MATN3: variants seen among roughly 807,000 people sequenced by gnomAD.
The protein encoded by MATN3 is matrilin 3.
Under a neutral mutation model 45.3 loss-of-function variants are expected in MATN3, and 48 were observed. The ratio of observed to expected loss-of-function variants is 1.06; its 90% confidence interval spans 0.84 to 1.35. The LOEUF (loss-of-function observed/expected upper bound fraction) is 1.35, where lower values mean the gene tolerates loss of function less well. Among genes scored for constraint, MATN3 ranks in the 40% most tolerant of loss-of-function variants. The pLI, the probability that MATN3 is intolerant of heterozygous loss-of-function variation, is 0.00. For missense variants in MATN3, 599 were observed against 628.0 expected (o/e 0.95, Z 0.49); for synonymous variants, 217 against 245.9 (o/e 0.88, Z 1.10).
chr2:20,005,661 A>AT (rs1673084844), intron 2 of MATN3, 83 bp downstream of exon 2: 2 of 1,181,642 alleles, frequency 1.7e-6, no homozygotes, highest in East Asian at 5.4e-5. Context: ...TTCCACCAAA[A>AT]AAGAATAATA....
chr2:20,010,126 T>C (rs1187780850), intron 1 of MATN3, among the ~76,000 whole-genome samples: 3 of 134,396 alleles, frequency 2.2e-5, no homozygotes, highest in South Asian at 2.4e-4. Context: ...GAAAGTCCCA[T>C]AGATCTAGAG....
intron 1 of MATN3, among the ~76,000 whole-genome samples, chr2:20,007,590 C>T (rs1673133360): frequency 6.6e-6 from 1 of 152,230 alleles, no homozygotes; most frequent in South Asian, 2.1e-4. Flanking sequence ...GAGCTTCCAG[C>T]TTCATGAGCA....
At chr2:20,000,004 T>C (rs1247075680) in intron 5 of MATN3, among the ~76,000 whole-genome samples, 1 of 152,174 alleles carries the variant, frequency 6.6e-6, no homozygotes. Context: ...ATTCACAAAG[T>C]CTTCTTTACT....
chr2:20,009,863 C>T (rs1334248009), intron 1 of MATN3, among the ~76,000 whole-genome samples: 1 of 151,890 alleles, frequency 6.6e-6, no homozygotes, highest in East Asian at 1.9e-4. Flanking sequence ...CCCCTCACCA[C>T]CACCGGCTTT....
At chr2:20,003,691 A>G (rs1428094416) in intron 2 of MATN3, among the ~76,000 whole-genome samples, 1 of 152,214 alleles carries the variant, frequency 6.6e-6, no homozygotes, top group African/African-American at 2.4e-5. Flanking sequence ...TAGTTGTCCC[A>G]TTGTAGCCAG....
chr2:19,996,358 A>G (rs757889311), intron 6 of MATN3, among the ~76,000 whole-genome samples: 1 of 152,200 alleles, frequency 6.6e-6, no homozygotes, highest in African/African-American at 2.4e-5. Flanking sequence ...ATAAAATTAA[A>G]TTAAATTAAA....
chr2:20,009,563 G>A (rs1673177448), intron 1 of MATN3, among the ~76,000 whole-genome samples: 1 of 152,080 alleles, frequency 6.6e-6, no homozygotes, highest in Non-Finnish European at 1.5e-5. Flanking sequence ...GGGTTGATGG[G>A]TGCAGCAAAC....
chr2:19,992,499 G>A lies in MATN3; in HGVS notation c.*612C>T, dbSNP rs976045241. Reference sequence around the variant, plus strand: ...TCTTTAGTAGTACATTTCTTTCAAAGACCAGAATGAATTAAAAATGGCAAT... The same window carrying A: ...TCTTTAGTAGTACATTTCTTTCAAAAACCAGAATGAATTAAAAATGGCAAT... On this transcript the variant is annotated 3_prime_UTR_variant, in exon 8 of 8. Coordinates refer to ENST00000407540, the MANE Select transcript of MATN3 (RefSeq NM_002381.5). 3 of 152,110 alleles carry A rather than the reference G, an allele frequency of 2.0e-5. No homozygotes were observed. Among genetic ancestry groups the A allele is most frequent in the African/African-American group, 7.2e-5 (3 of 41,424 alleles). The allele number at this position is 152,110 out of a possible 1,614,324, so 9.4% of individuals were successfully genotyped here. A position where few individuals can be genotyped will look rare whatever the true frequency, so the allele number is the denominator to read the frequency against.
Position 19,997,175 on chromosome 2 carries a change from T to C in MATN3, c.1253A>G (p.Tyr418Cys), listed in dbSNP as rs774899612. Residue 418 changes from tyrosine (Y) to cysteine (C), a missense_variant, in exon 6 of 8, where the codon TAT becomes TGT. Tyr to Cys is a radical substitution (Grantham distance 194, BLOSUM62 -2). Coordinates refer to ENST00000407540, the MANE Select transcript of MATN3 (RefSeq NM_002381.5). ...GTCCTCATTTAAGGTGTAGCCAGGA[T>C]AGCAATCACAGTGGTAGGATGCGGC... ...DGAASYHCDC[Y>C]PGYTLNEDKK... 6.2e-7 allele frequency: 1 copy of C among 1,613,834 alleles called. No homozygotes were observed. The highest frequency in any genetic ancestry group is 1.3e-5 in the African/African-American group (1 of 74,938).
chr2:20,001,920 T>C, intron 4 of MATN3, 35 bp downstream of exon 4: 1 of 1,604,636 alleles, frequency 6.2e-7, no homozygotes, highest in Non-Finnish European at 8.5e-7. Flanking sequence ...GGCAGAGAGC[T>C]AAGTAGCAAT....
intron 2 of MATN3, chr2:20,004,330 AC>A (rs1231043896): frequency 6.6e-6 from 1 of 152,214 alleles, no homozygotes; most frequent in Non-Finnish European, 1.5e-5. Flanking sequence ...TCGAAGCCCA[AC>A]CCCAGGTGCT....
intron 5 of MATN3, among the ~76,000 whole-genome samples, chr2:19,999,767 C>T (rs1192109131): frequency 2.6e-5 from 4 of 151,892 alleles, no homozygotes; most frequent in East Asian, 1.9e-4. Context: ...CAAAGCTAAA[C>T]GGCACCTTGA....
Position 20,003,166 on chromosome 2 carries a change from C to T in MATN3, c.911G>A (p.Cys304Tyr), listed in dbSNP as rs1265804493. 1.9e-6 allele frequency: 3 copies of T among 1,613,986 alleles called. No homozygotes were observed. The highest frequency in any genetic ancestry group is 2.5e-6 in the Non-Finnish European group (3 of 1,179,856). ...GCCCCCTACACAGGCCTCACCTGAA[C>T]ACGTTTTCTTGTCGGCATTCAAGGT... ...GYTLNADKKT[C>Y]SALDRCALNT... The change falls in exon 3 of 8, where the codon TGT (cysteine) becomes TAT (tyrosine). Residue 304 changes from cysteine (C) to tyrosine (Y), a missense_variant. Cys to Tyr is a radical substitution (Grantham distance 194). Coordinates refer to ENST00000407540, the MANE Select transcript of MATN3 (RefSeq NM_002381.5).
chr2:20,000,617 T>C, intron 4 of MATN3, 51 bp from the exon 5 acceptor site: 1 of 1,561,588 alleles, frequency 6.4e-7, no homozygotes, highest in Middle Eastern at 1.7e-4. Context: ...AAAAGTATTT[T>C]ATTACCCAGG....
In MATN3 at chr2:20,001,956, T is replaced by C. The variant is rs1219389406; in HGVS notation, c.1041A>G (p.Ser347=). Residue 347 remains serine, a splice_region_variant and synonymous_variant, in exon 4 of 8, where the codon TCA becomes TCG. Transcript: ENST00000407540. ...YTLNEDRKTC[S]AQDKCALGTH... Reference sequence around the variant, plus strand: ...AGTAAAGACTCCTCCCTCACTTACCTGAACAAGTTTTCCTGTCTTCATTCA... The same window carrying C: ...AGTAAAGACTCCTCCCTCACTTACCCGAACAAGTTTTCCTGTCTTCATTCA... 1 of 1,612,928 alleles carries C rather than the reference T, an allele frequency of 6.2e-7. No individual in the cohort carries two copies. The highest frequency in any genetic ancestry group is 8.5e-7 in the Non-Finnish European group (1 of 1,179,398).
In MATN3 at chr2:20,010,395, C is replaced by CG. The variant is rs556546042; in HGVS notation, c.223+2013dup. On this transcript the variant is annotated intron_variant, in intron 1 of 7. Transcript: ENST00000407540. ...GTGTGGTATGCAGAATAATGTCCCC[C>CG]GCCAAAGACGTCCACGTCCTAATTC... is the stretch of plus-strand genomic sequence containing the variant. Among the ~76,000 whole-genome samples the CG allele has an allele frequency of 2.3e-3, 343 of 152,258 alleles. 1 individual carries two copies. The highest frequency in any genetic ancestry group is 8.1e-3 in the African/African-American group (337 of 41,532).
chr2:19,997,425 T>A, intron 5 of MATN3, 166 bp from the exon 6 acceptor site: 1 of 597,408 alleles, frequency 1.7e-6, no homozygotes, highest in South Asian at 2.2e-5. Flanking sequence ...TGTTTTCTCT[T>A]CCCATACCTC....
In MATN3 at chr2:20,010,067, TAAAAAAAAAA is replaced by T. The variant is rs57140153; in HGVS notation, c.223+2332_223+2341del. On this transcript the variant is annotated intron_variant, in intron 1 of 7. Coordinates refer to ENST00000407540, the MANE Select transcript of MATN3 (RefSeq NM_002381.5). Reference sequence around the variant, plus strand: ...TCTCAGAATAAATCTCTTCAAATACTAAAAAAAAAAAAAAAAAAAAAAACCTCCAGAATTT... The same window carrying T: ...TCTCAGAATAAATCTCTTCAAATACTAAAAAAAAAAAAACCTCCAGAATTT... 8.7e-5 allele frequency among the ~76,000 whole-genome samples: 6 copies of T among 68,706 alleles called. 1 individual carries two copies. Among genetic ancestry groups the T allele is most frequent in the Admixed American group, 7.4e-4 (4 of 5,438 alleles). 45.1% of individuals were successfully genotyped at this position (68,706 alleles called of 152,430 possible). A position where few individuals can be genotyped will look rare whatever the true frequency, so the allele number is the denominator to read the frequency against.
intron 7 of MATN3, 101 bp downstream of exon 7, chr2:19,994,198 C>G (rs866590890): frequency 1.7e-5 from 12 of 706,078 alleles, no homozygotes; most frequent in Middle Eastern, 2.4e-4. Context: ...TAAAACCTAA[C>G]AAATAAGTCA....
Sources: gnomAD v4.1 joint callset for allele counts (sites outside exome capture counted in the v4.1 genomes callset) on GRCh38, gnomAD v4.1.1 for gene constraint, MANE v1.5 for transcripts, NCBI Gene and HGNC (gene_info 2026-07-23, HGNC 2026-07-21) for gene names.